Variants in FOXI2 observed in about 807,000 individuals in gnomAD.
FOXI2 encodes the protein forkhead box protein I2.
A neutral mutation model predicts 14.3 loss-of-function variants in FOXI2; 17 were observed. The observed-to-expected ratio is 1.19, with a 90% CI of 0.81 to 1.78. FOXI2 has a LOEUF of 1.78. Among genes scored for constraint, FOXI2 ranks in the 40% most tolerant of loss-of-function variants. FOXI2 has a pLI of 0.00. For synonymous variants in FOXI2, 240 were observed against 218.8 expected (o/e 1.10, Z -0.85); for missense variants, 541 against 460.0 (o/e 1.18, Z -1.61).
In FOXI2 at chr10:127,739,994, C is replaced by CCGACACCCACACT. The variant is rs1846491963; in HGVS notation, c.*1030_*1031insGACACCCACACTC. 1.3e-5 allele frequency: 1 copy of CCGACACCCACACT among 79,598 alleles called. No homozygotes were observed. The highest frequency in any genetic ancestry group is 2.7e-5 in the Non-Finnish European group (1 of 36,518). 4.9% of individuals were successfully genotyped at this position (79,598 alleles called of 1,614,324 possible). ...ACTCACACTCACACCCACACTCACA[C>CCGACACCCACACT]CACACCCACACTCACACTGACACCC... On this transcript the variant is annotated 3_prime_UTR_variant, in exon 2 of 2. Transcript: ENST00000388920.
rs1182925328 is a variant in FOXI2 at position 127,739,893 on chromosome 10, CCACACTCACA to C, written c.*940_*949del. 4.6e-4 allele frequency: 31 copies of C among 67,858 alleles called. 1 individual carries two copies. In the East Asian group the frequency reaches 0.012, roughly 25 times the overall value. The allele number at this position is 67,858 out of a possible 1,614,324, so 4.2% of individuals were successfully genotyped here. On this transcript the variant is annotated 3_prime_UTR_variant, in exon 2 of 2. Transcript: ENST00000388920. The stretch of plus-strand genomic sequence containing the variant: ...CCCACACTCACACCCACACCCACAC[CCACACTCACA>C]CACACTCACACCCACACCCACACTC...
rs1346469539 is a variant in FOXI2 at position 127,739,913 on chromosome 10, ACCCACACC to A, written c.*950_*957del. On this transcript the variant is annotated 3_prime_UTR_variant, in exon 2 of 2. Transcript: ENST00000388920. Reference sequence around the variant, plus strand: ...CACACCCACACTCACACACACTCACACCCACACCCACACTCACACCCACACACACTCAC... The same window carrying A: ...CACACCCACACTCACACACACTCACACACACTCACACCCACACACACTCAC... The A allele has an allele frequency of 6.4e-3, 87 of 13,598 alleles. 4 individuals are homozygous for A. The highest frequency in any genetic ancestry group is 7.2e-3 in the African/African-American group (59 of 8,178). The allele number at this position is 13,598 out of a possible 1,614,324, so 0.8% of individuals were successfully genotyped here. A position where few individuals can be genotyped will look rare whatever the true frequency, so the allele number is the denominator to read the frequency against.
Position 127,738,902 on chromosome 10 carries a change from G to A in FOXI2, c.894G>A (p.Gln298=), listed in dbSNP as rs1846454897. Residue 298 remains glutamine, a synonymous_variant, in exon 2 of 2, where the codon CAG becomes CAA. Coordinates refer to ENST00000388920, the MANE Select transcript of FOXI2 (RefSeq NM_207426.3). ...CCCCTGGCTTCGCCCCTGGCCACCA[G>A]ACCGCGGCCGCCGGCTTCCGCCTCA... ...NPSPGFAPGH[Q]TAAAGFRLSH... The A allele has an allele frequency of 5.0e-6, 8 of 1,604,644 alleles. No homozygotes were observed. Among genetic ancestry groups the A allele is most frequent in the African/African-American group, 2.7e-5 (2 of 74,858 alleles).
In FOXI2 at chr10:127,740,188, C is replaced by T. The variant is rs1172636343; in HGVS notation, c.*1223C>T. ...ACTCATACTCACACACCCACACCCA[C>T]ACCCACACCCACACCCACACCCACA... is the stretch of plus-strand genomic sequence containing the variant. On this transcript the variant is annotated 3_prime_UTR_variant, in exon 2 of 2. Transcript: ENST00000388920. The T allele has an allele frequency of 2.7e-5, 4 of 150,414 alleles. No homozygotes were observed. The highest frequency in any genetic ancestry group is 4.0e-4 in the East Asian group (2 of 4,988). 9.3% of individuals were successfully genotyped at this position (150,414 alleles called of 1,614,324 possible).
rs1315992918 is a variant in FOXI2, at chr10:127,738,718, C to G, written c.710C>G (p.Ser237Cys). 8 of 1,598,492 alleles carry G rather than the reference C, an allele frequency of 5.0e-6. No homozygotes were observed. The highest frequency in any genetic ancestry group is 6.8e-6 in the Non-Finnish European group (8 of 1,173,112). The change falls in exon 2 of 2, where the codon TCC becomes TGC. Residue 237 changes from serine (S) to cysteine (C), a missense_variant. Transcript: ENST00000388920. ...CLDLQASPSP[S>C]APEAATCFSG... is the part of the protein sequence containing the mutation. ...GACCTGCAGGCCTCGCCCTCTCCAT[C>G]CGCACCCGAGGCCGCCACCTGCTTC...
chr10:127,739,230 C>T lies in FOXI2; in HGVS notation c.*265C>T, dbSNP rs1264735879. The T allele has an allele frequency of 2.2e-6, 1 of 464,064 alleles. No homozygotes were observed. The highest frequency in any genetic ancestry group is 3.8e-6 in the Non-Finnish European group (1 of 265,404). 28.7% of individuals were successfully genotyped at this position (464,064 alleles called of 1,614,324 possible). A position where few individuals can be genotyped will look rare whatever the true frequency, so the allele number is the denominator to read the frequency against. ...CTCTAAGTCCAGCCGCCCTGGGCGT[C>T]TAGAACCTGTGCTCTCGAGGGATTT... On this transcript the variant is annotated 3_prime_UTR_variant, in exon 2 of 2. Transcript: ENST00000388920.
rs1846456031 is a variant in FOXI2 at position 127,738,967 on chromosome 10, G to A, written c.*2G>A. The A allele has an allele frequency of 1.3e-6, 2 of 1,598,638 alleles. No individual in the cohort carries two copies. Among genetic ancestry groups the A allele is most frequent in the African/African-American group, 1.3e-5 (1 of 74,914 alleles). On this transcript the variant is annotated 3_prime_UTR_variant, in exon 2 of 2. Coordinates refer to ENST00000388920, the MANE Select transcript of FOXI2 (RefSeq NM_207426.3). Reference sequence around the variant, plus strand: ...AGCCGGGAAGGGACCGAAGTTTGAAGGGAGGCTGGAGGCTAGCCGGGTGCG... The same window carrying A: ...AGCCGGGAAGGGACCGAAGTTTGAAAGGAGGCTGGAGGCTAGCCGGGTGCG...
rs1887006 is a variant in FOXI2, at chr10:127,739,190, A to G, written c.*225A>G. On this transcript the variant is annotated 3_prime_UTR_variant, in exon 2 of 2. Coordinates refer to ENST00000388920, the MANE Select transcript of FOXI2 (RefSeq NM_207426.3). ...ACCCCTCACCCAGGCGACCTTCGGA[A>G]CCTCCCTGCTCTGCCTCTAAGTCCA... is the stretch of plus-strand genomic sequence containing the variant. 1 allele frequency: 532,586 copies of G among 533,468 alleles called. 265,858 individuals carry two copies. The highest frequency in any genetic ancestry group is 1 in the Middle Eastern group (2,064 of 2,064). The allele number at this position is 533,468 out of a possible 1,614,324, so 33.0% of individuals were successfully genotyped here. A position where few individuals can be genotyped will look rare whatever the true frequency, so the allele number is the denominator to read the frequency against.
At position 127,738,617 on chromosome 10, in the gene FOXI2, G is replaced by C; in HGVS notation, c.609G>C (p.Ala203=). ...RKRKRRAEAS[A]AVRSGARSVG... The stretch of plus-strand genomic sequence containing the variant: ...GGAAGAGGAGAGCTGAAGCCAGCGC[G>C]GCCGTGCGCTCGGGAGCCAGGAGCG... Residue 203 remains alanine, a synonymous_variant, in exon 2 of 2, where the codon GCG becomes GCC. Transcript: ENST00000388920. 6.2e-7 allele frequency: 1 copy of C among 1,607,626 alleles called. No individual in the cohort carries two copies. Among genetic ancestry groups the C allele is most frequent in the Non-Finnish European group, 8.5e-7 (1 of 1,176,946 alleles).
At position 127,739,851 on chromosome 10, in the gene FOXI2, T is replaced by TCA. The variant is rs1275774892; in HGVS notation, c.*890_*891dup. On this transcript the variant is annotated 3_prime_UTR_variant, in exon 2 of 2. Coordinates refer to ENST00000388920, the MANE Select transcript of FOXI2 (RefSeq NM_207426.3). Reference sequence around the variant, plus strand: ...CCCACACCCACACTCACACTCACACTCACACCCACACTCACACCCACACTC... The same window carrying TCA: ...CCCACACCCACACTCACACTCACACTCACACACCCACACTCACACCCACACTC... 3.5e-4 allele frequency: 5 copies of TCA among 14,398 alleles called. 1 individual carries two copies. Among genetic ancestry groups the TCA allele is most frequent in the Non-Finnish European group, 6.7e-4 (4 of 5,984 alleles). 0.9% of individuals were successfully genotyped at this position (14,398 alleles called of 1,614,324 possible). A position where few individuals can be genotyped will look rare whatever the true frequency, so the allele number is the denominator to read the frequency against.
In FOXI2 at chr10:127,737,525, C is replaced by G. The variant is rs1384894574; in HGVS notation, c.252C>G (p.Ala84=). The G allele has an allele frequency of 2.8e-6, 4 of 1,441,836 alleles. No individual in the cohort carries two copies. The highest frequency in any genetic ancestry group is 5.8e-5 in the East Asian group (2 of 34,750). The allele number at this position is 1,441,836 out of a possible 1,614,324, so 89.3% of individuals were successfully genotyped here. ...GCGCCCCGGGCGGCCTGGCGGGCGC[C>G]GACCTCGCCTGGCTGAGCCTCTCCG... The part of the protein sequence containing the change: ...LLGAPGGLAG[A]DLAWLSLSGQ... The change falls in exon 1 of 2, where the codon GCC becomes GCG. Residue 84 remains alanine (A), a synonymous_variant. Transcript: ENST00000388920.
rs1354299143 is a variant in FOXI2, at chr10:127,737,318, C to T, written c.45C>T (p.Pro15=). The T allele has an allele frequency of 6.9e-7, 1 of 1,455,348 alleles. No individual in the cohort carries two copies. The highest frequency in any genetic ancestry group is 9.0e-7 in the Non-Finnish European group (1 of 1,116,644). The allele number at this position is 1,455,348 out of a possible 1,614,324, so 90.2% of individuals were successfully genotyped here. ...ACCTGGGCCCCTCCTCGGCCCCGCC[C>T]GGCCAGGCCCAGGCCACCGCGCACC... ...CDDLGPSSAP[P]GQAQATAHPP... is the part of the protein sequence containing the mutation. Residue 15 remains proline, a synonymous_variant, in exon 1 of 2, where the codon CCC becomes CCT. Transcript: ENST00000388920.
chr10:127,739,846 CACACTCACACCCACACT>C lies in FOXI2; in HGVS notation c.*882_*898del, dbSNP rs1564749094. On this transcript the variant is annotated 3_prime_UTR_variant, in exon 2 of 2. Transcript: ENST00000388920. ...CCACACCCACACCCACACTCACACT[CACACTCACACCCACACT>C]CACACCCACACTCACACCCACACCC... is the stretch of plus-strand genomic sequence containing the variant. The C allele has an allele frequency of 3.4e-4, 41 of 120,672 alleles. 1 individual carries two copies. The highest frequency in any genetic ancestry group is 1.3e-3 in the African/African-American group (39 of 29,346). The allele number at this position is 120,672 out of a possible 1,614,324, so 7.5% of individuals were successfully genotyped here.
rs1372077553 is a variant in FOXI2 at position 127,737,714 on chromosome 10, G to A, written c.441G>A (p.Gln147=). The change falls in exon 1 of 2, where the codon CAG becomes CAA. Residue 147 remains glutamine, a synonymous_variant. Coordinates refer to ENST00000388920, the MANE Select transcript of FOXI2 (RefSeq NM_207426.3). ...ACAAGCGCAGCAAGGCGGGCTGGCAGAACTCCATCCGCCACAACCTGTCGC... is the reference window on the plus strand; with the variant it reads ...ACAAGCGCAGCAAGGCGGGCTGGCAAAACTCCATCCGCCACAACCTGTCGC... ...PFYKRSKAGW[Q]NSIRHNLSLN... 1 of 1,608,902 alleles carries A rather than the reference G, an allele frequency of 6.2e-7. No homozygotes were observed. The highest frequency in any genetic ancestry group is 2.2e-5 in the East Asian group (1 of 44,564).
rs547777070 is a variant in FOXI2 at position 127,737,841 on chromosome 10, G to C, written c.511+57G>C. 5 of 1,568,606 alleles carry C rather than the reference G, an allele frequency of 3.2e-6. No homozygotes were observed. In the Admixed American group the frequency reaches 9.5e-5, roughly 30 times the overall value. ...GGACTCCCCATCTTCCCGCCGGGCC[G>C]CGGGCACTCCGGGGGTGGGAGCACC... On this transcript the variant is annotated intron_variant, in intron 1 of 1. Coordinates refer to ENST00000388920, the MANE Select transcript of FOXI2 (RefSeq NM_207426.3).
chr10:127,737,244 C>T lies in FOXI2; in HGVS notation c.-30C>T. 6.8e-7 allele frequency: 1 copy of T among 1,469,634 alleles called. No individual in the cohort carries two copies. The highest frequency in any genetic ancestry group is 8.9e-7 in the Non-Finnish European group (1 of 1,121,072). 91.0% of individuals were successfully genotyped at this position (1,469,634 alleles called of 1,614,324 possible). A position where few individuals can be genotyped will look rare whatever the true frequency, so the allele number is the denominator to read the frequency against. ...GTCGCCAGTGAGTTTCGGTGCGGCA[C>T]CGCTGGCCCAGGCCCGGGCGCGGCT... On this transcript the variant is annotated 5_prime_UTR_variant, in exon 1 of 2. Coordinates refer to ENST00000388920, the MANE Select transcript of FOXI2 (RefSeq NM_207426.3).
Position 127,737,209 on chromosome 10 carries a change from A to G in FOXI2, c.-65A>G. ...CGCACCCGGGCGCTGCTGGCGGCCA[A>G]GCTGGATGGGTCGCCAGTGAGTTTC... On this transcript the variant is annotated 5_prime_UTR_variant, in exon 1 of 2. Coordinates refer to ENST00000388920, the MANE Select transcript of FOXI2 (RefSeq NM_207426.3). 6.9e-7 allele frequency: 1 copy of G among 1,446,276 alleles called. No homozygotes were observed. The allele number at this position is 1,446,276 out of a possible 1,614,324, so 89.6% of individuals were successfully genotyped here. A position where few individuals can be genotyped will look rare whatever the true frequency, so the allele number is the denominator to read the frequency against.
At position 127,737,374 on chromosome 10, in the gene FOXI2, C is replaced by T. The variant is rs1846429029; in HGVS notation, c.101C>T (p.Ala34Val). 2.9e-6 allele frequency: 4 copies of T among 1,400,108 alleles called. No individual in the cohort carries two copies. Among genetic ancestry groups the T allele is most frequent in the Non-Finnish European group, 3.7e-6 (4 of 1,091,746 alleles). The allele number at this position is 1,400,108 out of a possible 1,614,324, so 86.7% of individuals were successfully genotyped here. Reference sequence around the variant, plus strand: ...GGCTATGAGCCAGGGGATCTGGGCGCGGTGGGCGGGGGCCCCCTCCTGTGG... The same window carrying T: ...GGCTATGAGCCAGGGGATCTGGGCGTGGTGGGCGGGGGCCCCCTCCTGTGG... The part of the protein sequence containing the change: ...PPGYEPGDLG[A>V]VGGGPLLWVN... The change falls in exon 1 of 2, where the codon GCG becomes GTG. Residue 34 changes from alanine to valine, a missense_variant. Physicochemically the swap from Ala to Val is moderately conservative, Grantham distance 64. Coordinates refer to ENST00000388920, the MANE Select transcript of FOXI2 (RefSeq NM_207426.3).
chr10:127,737,713 A>C lies in FOXI2; in HGVS notation c.440A>C (p.Gln147Pro), dbSNP rs966011453. ...TACAAGCGCAGCAAGGCGGGCTGGC[A>C]GAACTCCATCCGCCACAACCTGTCG... ...PFYKRSKAGWQNSIRHNLSLN... is the reference protein window; with the variant it reads ...PFYKRSKAGWPNSIRHNLSLN... Residue 147 changes from glutamine to proline, a missense_variant, in exon 1 of 2, where the codon CAG (glutamine) becomes CCG (proline). Transcript: ENST00000388920. The C allele has an allele frequency of 6.2e-7, 1 of 1,609,084 alleles. No individual in the cohort carries two copies. Among genetic ancestry groups the C allele is most frequent in the South Asian group, 1.1e-5 (1 of 90,412 alleles).
Sources: gnomAD v4.1 joint callset for allele counts on GRCh38, gnomAD v4.1.1 for gene constraint, MANE v1.5 for transcripts, NCBI Gene and HGNC (gene_info 2026-07-23, HGNC 2026-07-21) for gene names.